The following SNX29 variants were observed in gnomAD, a reference collection of about 807,000 sequenced individuals.
SNX29 encodes sorting nexin 29, also known as sorting nexin-29.
In SNX29, 78 loss-of-function variants were observed where a neutral mutation model predicts 102.1. The observed-to-expected ratio is 0.76, with a 90% CI of 0.64 to 0.92. SNX29 has a LOEUF of 0.92. Ranked by LOEUF, SNX29 falls within the 40% of genes least tolerant of loss-of-function variation. The pLI, the probability that SNX29 is intolerant of heterozygous loss-of-function variation, is 0.00. For synonymous variants in SNX29, 580 were observed against 414.5 expected (o/e 1.40, Z -4.85); for missense variants, 1,280 against 1,061.7 (o/e 1.21, Z -2.86).
intron 14 of SNX29, among the ~76,000 whole-genome samples, chr16:12,225,206 C>G (rs544250713): frequency 3.4e-4 from 52 of 152,294 alleles, no homozygotes; most frequent in African/African-American, 1.1e-3. Context: ...GACAGCTGAA[C>G]TCTTAATGTA....
intron 5 of SNX29, among the ~76,000 whole-genome samples, chr16:12,043,893 C>T (rs538079272): frequency 6.6e-6 from 1 of 152,260 alleles, no homozygotes; most frequent in East Asian, 1.9e-4. Flanking sequence ...GCTGGGATTA[C>T]AGGCCTGTGC....
intron 15 of SNX29, among the ~76,000 whole-genome samples, chr16:12,298,676 C>G (rs1296411646): frequency 1.3e-5 from 2 of 152,182 alleles, no homozygotes; most frequent in Non-Finnish European, 2.9e-5. Flanking sequence ...ACTTTCCTCT[C>G]TAGAATAGGC....
intron 11 of SNX29, among the ~76,000 whole-genome samples, chr16:12,119,533 A>G (rs1276888216): frequency 6.6e-6 from 1 of 152,224 alleles, no homozygotes; most frequent in Admixed American, 6.5e-5. Flanking sequence ...TTTTGAGATT[A>G]TAATTATGTA....
rs190410167 is a variant in SNX29 at position 12,130,357 on chromosome 16, C to T, written c.1595+599C>T. Among the ~76,000 whole-genome samples the T allele has an allele frequency of 6.9e-4, 104 of 151,512 alleles. 1 individual carries two copies. The East Asian group carries it at 0.02, about 29-fold the overall frequency. ...GGGAGTGGTGACGGACGCCTGTAGT[C>T]CCAGCTACGCGGGAGGCTGAGGCAG... is the stretch of plus-strand genomic sequence containing the variant. On this transcript the variant is annotated intron_variant, in intron 13 of 20. Transcript: ENST00000566228.
At chr16:11,982,342 G>A (rs531399459) in intron 1 of SNX29, among the ~76,000 whole-genome samples, 7 of 151,722 alleles carry the variant, frequency 4.6e-5, no homozygotes, top group Non-Finnish European at 1.0e-4. Context: ...AGTAGAACTC[G>A]TAGAGCCAGA....
intron 15 of SNX29, among the ~76,000 whole-genome samples, chr16:12,306,006 TTC>T (rs2080326246): frequency 6.6e-6 from 1 of 151,926 alleles, no homozygotes; most frequent in Non-Finnish European, 1.5e-5. Context: ...GAGGACACGG[TTC>T]TCTCTGTGGC....
chr16:12,162,341 G>T (rs1487114705), intron 13 of SNX29, among the ~76,000 whole-genome samples: 1 of 152,166 alleles, frequency 6.6e-6, no homozygotes, highest in South Asian at 2.1e-4. Flanking sequence ...ATCAATACTT[G>T]GTTGGCTGAC....
At chr16:12,553,827 C>T (rs1053516448) in intron 20 of SNX29, among the ~76,000 whole-genome samples, 6 of 151,834 alleles carry the variant, frequency 4.0e-5, no homozygotes, top group African/African-American at 1.5e-4. Context: ...ACCTTGTGAT[C>T]CACCCACCTA....
rs144084620 is a variant in SNX29 at position 12,172,218 on chromosome 16, T to C, written c.1596-27383T>C. Among the ~76,000 whole-genome samples, 7 of 152,192 alleles carry C rather than the reference T, an allele frequency of 4.6e-5. No homozygotes were observed. The East Asian group carries it at 1.2e-3, about 25-fold the overall frequency. On this transcript the variant is annotated intron_variant, in intron 13 of 20. Coordinates refer to ENST00000566228, the MANE Select transcript of SNX29 (RefSeq NM_032167.5). ...TCAGCTGAGAAGTAGGCCACGTATGTTTCTGAAAAGGAAGATGGCAAACTC... is the reference window on the plus strand; with the variant it reads ...TCAGCTGAGAAGTAGGCCACGTATGCTTCTGAAAAGGAAGATGGCAAACTC...
intron 18 of SNX29, among the ~76,000 whole-genome samples, chr16:12,467,951 G>A (rs746145287): frequency 9.2e-5 from 14 of 152,126 alleles, no homozygotes; most frequent in Non-Finnish European, 1.9e-4. Context: ...CACAGCTCCA[G>A]CTCCGGCTCT....
Position 12,013,914 on chromosome 16 carries a change from G to A in SNX29, c.122+10871G>A, listed in dbSNP as rs368454932. Among the ~76,000 whole-genome samples, 34 of 151,936 alleles carry A rather than the reference G, an allele frequency of 2.2e-4. No homozygotes were observed. In the East Asian group the frequency reaches 3.1e-3, roughly 14 times the overall value. ...AATCTACCCGCTTCGGCCCCCCAAAGTGCTAGGATTACAGGCATAAGCCAC... is the reference window on the plus strand; with the variant it reads ...AATCTACCCGCTTCGGCCCCCCAAAATGCTAGGATTACAGGCATAAGCCAC... On this transcript the variant is annotated intron_variant, in intron 3 of 20. Coordinates refer to ENST00000566228, the MANE Select transcript of SNX29 (RefSeq NM_032167.5).
At chr16:12,061,872 G>C (rs750021617) in intron 9 of SNX29, among the ~76,000 whole-genome samples, 1 of 152,102 alleles carries the variant, frequency 6.6e-6, no homozygotes, top group Non-Finnish European at 1.5e-5. Context: ...AGTGAGTGTT[G>C]GGCTGAACCA....
chr16:12,505,876 G>T (rs542452934), intron 19 of SNX29, among the ~76,000 whole-genome samples: 2 of 151,626 alleles, frequency 1.3e-5, no homozygotes, highest in South Asian at 2.1e-4. Context: ...TCCCAGCCAT[G>T]ACCATGGAAT....
chr16:12,361,692 C>G (rs2082303643), intron 16 of SNX29, among the ~76,000 whole-genome samples: 1 of 152,012 alleles, frequency 6.6e-6, no homozygotes, highest in Non-Finnish European at 1.5e-5. Flanking sequence ...TTATTTTTTT[C>G]TTAAACTTTT....
At chr16:12,542,052 G>C (rs1235871484) in intron 20 of SNX29, among the ~76,000 whole-genome samples, 2 of 152,164 alleles carry the variant, frequency 1.3e-5, no homozygotes, top group East Asian at 1.9e-4. Context: ...GTTTGGCAAA[G>C]ATATTCCTAG....
At chr16:12,192,218 A>G (rs889214049) in intron 13 of SNX29, among the ~76,000 whole-genome samples, 1 of 152,144 alleles carries the variant, frequency 6.6e-6, no homozygotes, top group Non-Finnish European at 1.5e-5. Context: ...CTACTCAATG[A>G]TTTGCTTTCG....
At chr16:12,165,777 T>A (rs1281312267) in intron 13 of SNX29, among the ~76,000 whole-genome samples, 1 of 152,250 alleles carries the variant, frequency 6.6e-6, no homozygotes. Flanking sequence ...TTGTCCAGGT[T>A]GGTCTCGAAC....
intron 20 of SNX29, chr16:12,556,390 A>G (rs2856793): frequency 0.8 from 122,239 of 152,204 alleles, 49,855 homozygotes; most frequent in African/African-American, 0.88. Flanking sequence ...AGGCACTGGC[A>G]ATATAGTACA....
intron 18 of SNX29, among the ~76,000 whole-genome samples, chr16:12,460,710 T>C (rs1355732777): frequency 6.7e-6 from 1 of 148,398 alleles, no homozygotes; most frequent in African/African-American, 2.5e-5. Flanking sequence ...TAGGCTGGAG[T>C]GCAGTGGTGC....
Sources: allele counts gnomAD v4.1 joint callset (sites outside exome capture counted in the v4.1 genomes callset), GRCh38; gene constraint gnomAD v4.1.1; transcripts MANE v1.5; gene names NCBI Gene and HGNC (gene_info 2026-07-23, HGNC 2026-07-21).